CLSTN1: variants seen among roughly 807,000 people sequenced by gnomAD.
CLSTN1 encodes the protein calsyntenin-1.
A neutral mutation model predicts 108.3 loss-of-function variants in CLSTN1; 28 were observed. The observed-to-expected ratio is 0.26, with a 90% CI of 0.19 to 0.35. The LOEUF is 0.35. Among genes scored for constraint, CLSTN1 ranks in the 10% least tolerant of loss-of-function variants. The pLI, the probability that CLSTN1 is intolerant of heterozygous loss-of-function variation, is 1.00. For synonymous variants in CLSTN1, 524 were observed against 534.9 expected (o/e 0.98, Z 0.28); for missense variants, 1,157 against 1,302.6 (o/e 0.89, Z 1.72).
At chr1:9,796,952 A>G (rs1654036551) in intron 1 of CLSTN1, among the ~76,000 whole-genome samples, 1 of 152,202 alleles carries the variant, frequency 6.6e-6, no homozygotes, top group Non-Finnish European at 1.5e-5. Context: ...GAAATGCAAC[A>G]GAGATAAATG....
chr1:9,808,372 T>C (rs758049653), intron 1 of CLSTN1, among the ~76,000 whole-genome samples: 3 of 152,240 alleles, frequency 2.0e-5, no homozygotes, highest in Non-Finnish European at 2.9e-5. Flanking sequence ...ACTGCCAATC[T>C]ACCCAATTTC....
At chr1:9,763,743 C>T (rs1652193074) in intron 2 of CLSTN1, among the ~76,000 whole-genome samples, 1 of 152,172 alleles carries the variant, frequency 6.6e-6, no homozygotes, top group African/African-American at 2.4e-5. Flanking sequence ...CTCCTCTATA[C>T]CCCACGCCAC....
intron 7 of CLSTN1, among the ~76,000 whole-genome samples, chr1:9,745,774 T>TG (rs1651238583): frequency 1.4e-5 from 2 of 145,104 alleles, no homozygotes; most frequent in Non-Finnish European, 3.0e-5. Flanking sequence ...TGTTTTTTTT[T>TG]TTTTTTTTTT....
At chr1:9,749,195 CATCTGGCCACCAG>C (rs1224918577) in intron 7 of CLSTN1, among the ~76,000 whole-genome samples, 1 of 152,198 alleles carries the variant, frequency 6.6e-6, no homozygotes, top group Non-Finnish European at 1.5e-5. Context: ...TAAGCCACCA[CATCTGGCCACCAG>C]TGGTTCTTAA....
chr1:9,785,795 C>CTTTTTTTT (rs77923873), intron 1 of CLSTN1, among the ~76,000 whole-genome samples: 3 of 142,230 alleles, frequency 2.1e-5, no homozygotes, highest in Admixed American at 7.1e-5. Flanking sequence ...ATGTGAATTT[C>CTTTTTTTT]TTTTTTTTTT....
In CLSTN1 at chr1:9,765,240, C is replaced by A. The variant is rs537593940; in HGVS notation, c.214+8032G>T. Among the ~76,000 whole-genome samples, 1,004 of 152,094 alleles carry A rather than the reference C, an allele frequency of 6.6e-3. 7 individuals are homozygous for A. Among genetic ancestry groups the A allele is most frequent in the Non-Finnish European group, 9.3e-3 (632 of 68,002 alleles). ...TCTCTACTAAAAATACAAAATTAGC[C>A]GGGCGTGGTGGCGGGCGCCTGCAAT... On this transcript the variant is annotated intron_variant, in intron 2 of 18. Transcript: ENST00000377298.
chr1:9,790,650 T>C (rs1281476171), intron 1 of CLSTN1, among the ~76,000 whole-genome samples: 1 of 151,478 alleles, frequency 6.6e-6, no homozygotes, highest in Non-Finnish European at 1.5e-5. Context: ...TCCAGTTTTG[T>C]ATACTCAGCA....
intron 9 of CLSTN1, among the ~76,000 whole-genome samples, chr1:9,743,023 T>G (rs1267404704): frequency 6.6e-6 from 1 of 152,210 alleles, no homozygotes; most frequent in Non-Finnish European, 1.5e-5. Context: ...CTATGATTAT[T>G]TTTAGACACT....
chr1:9,781,680 T>C (rs113777108), intron 1 of CLSTN1, among the ~76,000 whole-genome samples: 3,302 of 152,194 alleles, frequency 0.022, 136 homozygotes, highest in African/African-American at 0.071. Flanking sequence ...CGGCCTCAGG[T>C]GATCCGCCCA....
chr1:9,745,774 T>G (rs983165108), intron 7 of CLSTN1, among the ~76,000 whole-genome samples: 9 of 145,210 alleles, frequency 6.2e-5, no homozygotes, highest in Admixed American at 1.4e-4. Flanking sequence ...TGTTTTTTTT[T>G]TTTTTTTTTT....
chr1:9,748,018 T>C (rs1337941088), intron 7 of CLSTN1, among the ~76,000 whole-genome samples: 2 of 150,166 alleles, frequency 1.3e-5, no homozygotes, highest in Non-Finnish European at 3.0e-5. Flanking sequence ...CACTCCAGCC[T>C]GGGTGACAGA....
intron 1 of CLSTN1, among the ~76,000 whole-genome samples, chr1:9,788,877 A>AC (rs1338116017): frequency 1.3e-5 from 2 of 151,148 alleles, no homozygotes; most frequent in African/African-American, 4.8e-5. Flanking sequence ...CAAAAAAAAA[A>AC]AAAAAAAAAA....
intron 2 of CLSTN1, among the ~76,000 whole-genome samples, chr1:9,766,251 C>G (rs1448923899): frequency 6.6e-6 from 1 of 152,142 alleles, no homozygotes; most frequent in Non-Finnish European, 1.5e-5. Flanking sequence ...GAAGAGGAAA[C>G]AAGAAGAGGA....
At chr1:9,807,620 A>G (rs1444001693) in intron 1 of CLSTN1, among the ~76,000 whole-genome samples, 1 of 152,246 alleles carries the variant, frequency 6.6e-6, no homozygotes, top group Non-Finnish European at 1.5e-5. Flanking sequence ...CACAGCGTAC[A>G]GCAGTCAGCA....
intron 1 of CLSTN1, among the ~76,000 whole-genome samples, chr1:9,788,223 T>C (rs1310558846): frequency 1.3e-5 from 2 of 151,396 alleles, no homozygotes; most frequent in Non-Finnish European, 2.9e-5. Context: ...GCCACTGCAC[T>C]CCAGCCTGCA....
In CLSTN1 at chr1:9,734,653, A is replaced by AG. The variant is rs1211777023; in HGVS notation, c.2110+294dup. On this transcript the variant is annotated intron_variant, in intron 14 of 18. Transcript: ENST00000377298. The surrounding 1 kb of genome is among the most constrained non-coding windows in gnomAD (Gnocchi z 4.8). ...GACATTGTGCCTCCATGGGCTGGCC[A>AG]GCCTGGCAGGTGCAAGCAGTGTCTC... is the stretch of plus-strand genomic sequence containing the variant. Among the ~76,000 whole-genome samples, 3 of 151,502 alleles carry AG rather than the reference A, an allele frequency of 2.0e-5. No individual in the cohort carries two copies. Among genetic ancestry groups the AG allele is most frequent in the East Asian group, 3.9e-4 (2 of 5,142 alleles).
At chr1:9,744,352 T>A (rs745360122) in intron 8 of CLSTN1, 43 bp downstream of exon 8, 1 of 1,572,226 alleles carries the variant, frequency 6.4e-7, no homozygotes, top group Non-Finnish European at 8.6e-7. Context: ...CCCACCCTAC[T>A]GGACACTGGG....
At chr1:9,768,309 TGGGCGGCACCATGG>T (rs1206582723) in intron 2 of CLSTN1, among the ~76,000 whole-genome samples, 1 of 143,638 alleles carries the variant, frequency 7.0e-6, no homozygotes, top group East Asian at 2.2e-4. Context: ...GGTTCTGTGC[TGGGCGGCACCATGG>T]GGGCGGAGTT....
intron 18 of CLSTN1, 24 bp downstream of exon 18, chr1:9,731,182 T>C (rs1378338133): frequency 1.9e-6 from 3 of 1,613,938 alleles, no homozygotes; most frequent in African/African-American, 1.3e-5. Flanking sequence ...CTCTCAGTCC[T>C]GGAGGTCGCC....
Sources: gnomAD v4.1 joint callset for allele counts (sites outside exome capture counted in the v4.1 genomes callset) on GRCh38, gnomAD v4.1.1 for gene constraint, Gnocchi (gnomAD v3.1) non-coding constraint, MANE v1.5 for transcripts, NCBI Gene and HGNC (gene_info 2026-07-23, HGNC 2026-07-21) for gene names.